The following TPO variants were observed in gnomAD, a reference collection of about 807,000 sequenced individuals.
TPO encodes the protein thyroid microsomal antigen.
A neutral mutation model predicts 96.9 loss-of-function variants in TPO; 78 were observed. The observed-to-expected ratio is 0.81, with a 90% CI of 0.67 to 0.97. The LOEUF is 0.97. Ranked by LOEUF, TPO falls within the 50% of genes least tolerant of loss-of-function variation. TPO has a pLI of 0.00. For synonymous variants in TPO, 547 were observed against 538.0 expected, an observed-to-expected ratio of 1.02 and a Z score of -0.23; for missense variants, 1,252 against 1,274.8, an observed-to-expected ratio of 0.98 and a Z score of 0.27.
intron 16 of TPO, chr2:1,541,240 G>C (rs1680732120): frequency 9.2e-7 from 1 of 1,090,076 alleles, no homozygotes; most frequent in African/African-American, 1.6e-5. Flanking sequence ...GAGGGGAGTG[G>C]GGAGGTGCTG....
chr2:1,509,768 G>C (rs75435439), intron 14 of TPO, among the ~76,000 whole-genome samples: 97 of 47,916 alleles, frequency 2.0e-3, no homozygotes, highest in Middle Eastern at 7.7e-3. Context: ...CTTCTTTCAG[G>C]GACACCCTAC....
At chr2:1,395,708 G>A (rs899649731) in intron 1 of TPO, among the ~76,000 whole-genome samples, 3 of 152,220 alleles carry the variant, frequency 2.0e-5, no homozygotes, top group South Asian at 2.1e-4. Flanking sequence ...TCATGGGGGT[G>A]GGTTTTTCTC....
chr2:1,537,677 CTA>C (rs1680136567), intron 15 of TPO, among the ~76,000 whole-genome samples: 6 of 133,738 alleles, frequency 4.5e-5, no homozygotes, highest in South Asian at 2.6e-4. Context: ...GCAAATCCCC[CTA>C]CTCTGTGGAA....
chr2:1,415,225 C>CAG (rs1251684806), intron 2 of TPO, among the ~76,000 whole-genome samples: 1 of 146,936 alleles, frequency 6.8e-6, no homozygotes, highest in African/African-American at 2.5e-5. Flanking sequence ...GCCCCTGGAG[C>CAG]AGGTGACACC....
In TPO at chr2:1,470,036, A is replaced by G. The variant is rs1438788759; in HGVS notation, c.820-7050A>G. On this transcript the variant is annotated intron_variant, in intron 7 of 16. Coordinates refer to ENST00000329066, the MANE Select transcript of TPO (RefSeq NM_001206744.2). ...TCCTCATGTTGGAATTTTAATAGGT[A>G]CTCCCAAATTTCTCTGCAGCAATGA... Among the ~76,000 whole-genome samples the G allele has an allele frequency of 2.6e-5, 4 of 151,960 alleles. No homozygotes were observed. The East Asian group carries it at 7.7e-4, about 29-fold the overall frequency.
chr2:1,520,709 T>C (rs1277542387), intron 15 of TPO, among the ~76,000 whole-genome samples: 2 of 152,276 alleles, frequency 1.3e-5, no homozygotes, highest in African/African-American at 2.4e-5. Context: ...TTTTATTGCA[T>C]TGAAATTGTT....
chr2:1,537,160 G>A (rs1234394444), intron 15 of TPO, among the ~76,000 whole-genome samples: 2 of 61,530 alleles, frequency 3.3e-5, no homozygotes, highest in Non-Finnish European at 5.8e-5. Flanking sequence ...CTCTGTGCAA[G>A]TGCCCCCTAT....
intron 7 of TPO, among the ~76,000 whole-genome samples, chr2:1,463,064 C>G (rs1459609117): frequency 6.6e-6 from 1 of 152,106 alleles, no homozygotes; most frequent in Non-Finnish European, 1.5e-5. Context: ...TATTTGTAAA[C>G]AATTTTAAAA....
chr2:1,471,178 T>C (rs756410454), intron 7 of TPO, among the ~76,000 whole-genome samples: 21 of 152,194 alleles, frequency 1.4e-4, no homozygotes, highest in Non-Finnish European at 2.9e-4. Flanking sequence ...GCTTTTTGTT[T>C]TGAATAACTG....
rs574333005 is a variant in TPO, at chr2:1,476,967, G to A, written c.820-119G>A. ...GACTGGCTGGACTGACCCCTACAGA[G>A]GACTGGAGGGGCAGAGAAACGTGCG... On this transcript the variant is annotated intron_variant, in intron 7 of 16. Coordinates refer to ENST00000329066, the MANE Select transcript of TPO (RefSeq NM_001206744.2). The A allele has an allele frequency of 2.1e-5, 27 of 1,295,434 alleles. No individual in the cohort carries two copies. The African/African-American group carries it at 3.8e-4, about 18-fold the overall frequency. 80.2% of individuals were successfully genotyped at this position (1,295,434 alleles called of 1,614,324 possible). A position where few individuals can be genotyped will look rare whatever the true frequency, so the allele number is the denominator to read the frequency against.
chr2:1,445,902 G>C (rs927501866), intron 5 of TPO, among the ~76,000 whole-genome samples: 3 of 152,028 alleles, frequency 2.0e-5, no homozygotes, highest in African/African-American at 7.3e-5. Flanking sequence ...GAATGGGGCA[G>C]GCTCCTTCCT....
intron 15 of TPO, among the ~76,000 whole-genome samples, chr2:1,525,943 C>A (rs1482327141): frequency 1.4e-5 from 2 of 139,832 alleles, no homozygotes; most frequent in Non-Finnish European, 3.1e-5. Flanking sequence ...CTCCTCATAT[C>A]CCCCGACTGT....
At chr2:1,529,332 T>TGTGTGCAACCTCCCCAAATC in intron 15 of TPO, among the ~76,000 whole-genome samples, 1 of 21,352 alleles carries the variant, frequency 4.7e-5, no homozygotes, top group Non-Finnish European at 7.7e-5. Flanking sequence ...GTCCCCAAAT[T>TGTGTGCAACCTCCCCAAATC]CCCCCACTGT....
In TPO at chr2:1,441,328, T is replaced by G. The variant is rs1666174984; in HGVS notation, c.482+4944T>G. 2.0e-5 allele frequency among the ~76,000 whole-genome samples: 3 copies of G among 152,256 alleles called. No homozygotes were observed. In the South Asian group the frequency reaches 6.2e-4, roughly 32 times the overall value. On this transcript the variant is annotated intron_variant, in intron 5 of 16. Coordinates refer to ENST00000329066, the MANE Select transcript of TPO (RefSeq NM_001206744.2). The stretch of plus-strand genomic sequence containing the variant: ...ATGTTGGAAGAGAATGGGGCTTGAG[T>G]TTGTTTTGCTTTACACTTTGTCATA...
At chr2:1,418,868 T>C (rs1001200498) in intron 2 of TPO, among the ~76,000 whole-genome samples, 1 of 152,210 alleles carries the variant, frequency 6.6e-6, no homozygotes, top group Non-Finnish European at 1.5e-5. Flanking sequence ...TTCATTAAAT[T>C]TCAACAAACA....
At chr2:1,435,124 G>A (rs1008769188) in intron 4 of TPO, among the ~76,000 whole-genome samples, 3 of 152,024 alleles carry the variant, frequency 2.0e-5, no homozygotes, top group Non-Finnish European at 2.9e-5. Context: ...TAGTAGAGAC[G>A]GGGTTTCACC....
chr2:1,421,451 A>C (rs1207062490), intron 2 of TPO, among the ~76,000 whole-genome samples: 1 of 152,070 alleles, frequency 6.6e-6, no homozygotes, highest in African/African-American at 2.4e-5. Context: ...TCGGAGATTG[A>C]TTTGTCTCAC....
At chr2:1,529,719 T>C (rs1573588820) in intron 15 of TPO, among the ~76,000 whole-genome samples, 4 of 21,194 alleles carry the variant, frequency 1.9e-4, no homozygotes, top group Non-Finnish European at 2.6e-4. Flanking sequence ...CCTCCTCAAA[T>C]CCCCCCACTG....
chr2:1,501,534 C>T (rs1029640903), intron 13 of TPO, among the ~76,000 whole-genome samples: 6 of 152,200 alleles, frequency 3.9e-5, no homozygotes, highest in Admixed American at 1.3e-4. Context: ...ACTGTGCCCC[C>T]AAAAAGCTAT....
Sources: gnomAD v4.1 joint callset for allele counts (sites outside exome capture counted in the v4.1 genomes callset) on GRCh38, gnomAD v4.1.1 for gene constraint, MANE v1.5 for transcripts, NCBI Gene and HGNC (gene_info 2026-07-23, HGNC 2026-07-21) for gene names.